ZNF438: variants seen among roughly 807,000 people sequenced by gnomAD.
ZNF438 encodes the protein zinc finger protein 438.
In ZNF438, 25 loss-of-function variants were observed where a neutral mutation model predicts 38.0. The observed-to-expected ratio is 0.66, with a 90% CI of 0.48 to 0.92. ZNF438 has a LOEUF of 0.92. Ranked by LOEUF, ZNF438 falls within the 40% of genes least tolerant of loss-of-function variation. The pLI, the probability that ZNF438 is intolerant of heterozygous loss-of-function variation, is 0.00. For synonymous variants in ZNF438, 372 were observed against 364.1 expected (o/e 1.02, Z -0.25); for missense variants, 1,007 against 999.6 (o/e 1.01, Z -0.10).
chr10:30,999,847 T>C (rs2054465201), intron 1 of ZNF438, among the ~76,000 whole-genome samples: 1 of 152,204 alleles, frequency 6.6e-6, no homozygotes. Flanking sequence ...ACCTAGAGAT[T>C]GTTCATAGGG....
chr10:30,915,771 C>T (rs2043560281), intron 2 of ZNF438, among the ~76,000 whole-genome samples: 1 of 152,020 alleles, frequency 6.6e-6, no homozygotes, highest in Admixed American at 6.6e-5. Flanking sequence ...AGTCATTCTC[C>T]ATGACCTGGT....
chr10:30,849,370 C>T (rs2033071767), exon 5 of ZNF438: 2 of 1,614,156 alleles, frequency 1.2e-6, no homozygotes, highest in Non-Finnish European at 1.7e-6. Context: ...GAACAGGTAG[C>T]CTGCTTGCCA....
chr10:30,860,680 T>G (rs1268234099), intron 4 of ZNF438, among the ~76,000 whole-genome samples: 2 of 152,224 alleles, frequency 1.3e-5, no homozygotes, highest in Non-Finnish European at 2.9e-5. Context: ...TGTAAATTTT[T>G]GTATCCCAGT....
chr10:30,990,951 T>A (rs1015849569), intron 1 of ZNF438, among the ~76,000 whole-genome samples: 6 of 151,792 alleles, frequency 4.0e-5, no homozygotes, highest in African/African-American at 1.5e-4. Flanking sequence ...CAAAAACAAT[T>A]TAACTGGAAA....
chr10:30,913,674 A>G (rs2043297857), intron 2 of ZNF438, among the ~76,000 whole-genome samples: 1 of 152,134 alleles, frequency 6.6e-6, no homozygotes, highest in Admixed American at 6.6e-5. Context: ...TGGAAAAGCA[A>G]GCACAGGCAC....
At chr10:31,019,263 C>A (rs2056422579) in intron 1 of ZNF438, among the ~76,000 whole-genome samples, 1 of 152,226 alleles carries the variant, frequency 6.6e-6, no homozygotes, top group Non-Finnish European at 1.5e-5. Flanking sequence ...AGTCTTCACA[C>A]AATGTGCCCC....
intron 1 of ZNF438, among the ~76,000 whole-genome samples, chr10:31,004,572 G>A (rs918181729): frequency 2.0e-5 from 3 of 152,214 alleles, no homozygotes; most frequent in African/African-American, 7.2e-5. Context: ...TGAGGAGTGA[G>A]GGAGTGAGAT....
chr10:31,001,465 T>C (rs2054654465), intron 1 of ZNF438, among the ~76,000 whole-genome samples: 2 of 152,126 alleles, frequency 1.3e-5, no homozygotes, highest in South Asian at 4.1e-4. Flanking sequence ...ATCAGATAAT[T>C]GGACAGGACA....
At chr10:30,884,126 A>G (rs2039637301) in intron 3 of ZNF438, among the ~76,000 whole-genome samples, 1 of 138,402 alleles carries the variant, frequency 7.2e-6, no homozygotes, top group Non-Finnish European at 1.5e-5. Context: ...ATACTATGTT[A>G]GAAGAGGAGT....
At chr10:30,936,081 G>C (rs761184565) in intron 2 of ZNF438, among the ~76,000 whole-genome samples, 1 of 152,152 alleles carries the variant, frequency 6.6e-6, no homozygotes, top group Admixed American at 6.5e-5. Flanking sequence ...AAGCCATGAA[G>C]ATTTCTAAGA....
chr10:30,911,237 C>T (rs1445665653), intron 2 of ZNF438, among the ~76,000 whole-genome samples: 1 of 152,132 alleles, frequency 6.6e-6, no homozygotes, highest in Non-Finnish European at 1.5e-5. Flanking sequence ...TAGCACTTCT[C>T]TCACCATTTA....
At chr10:31,001,158 G>A (rs1395367601) in intron 1 of ZNF438, among the ~76,000 whole-genome samples, 2 of 152,142 alleles carry the variant, frequency 1.3e-5, no homozygotes, top group African/African-American at 4.8e-5. Context: ...GTCAGACAAG[G>A]ACTTCCTTAA....
chr10:30,907,598 T>A (rs1750397979), intron 3 of ZNF438, among the ~76,000 whole-genome samples: 3 of 152,170 alleles, frequency 2.0e-5, no homozygotes, highest in Admixed American at 2.0e-4. Flanking sequence ...TTGGTAGTTT[T>A]TGTTTTTTAG....
At chr10:30,981,773 G>A (rs1394267487) in intron 1 of ZNF438, among the ~76,000 whole-genome samples, 1 of 151,910 alleles carries the variant, frequency 6.6e-6, no homozygotes, top group Non-Finnish European at 1.5e-5. Context: ...AGCTGCTCAG[G>A]AGGCTGAGGA....
intron 1 of ZNF438, among the ~76,000 whole-genome samples, chr10:31,009,407 C>A (rs1195698357): frequency 1.3e-5 from 2 of 152,230 alleles, no homozygotes; most frequent in African/African-American, 4.8e-5. Flanking sequence ...TCCAGGAAGG[C>A]TGCCTTGTTC....
At chr10:31,031,304 C>A (rs189808383) in intron 1 of ZNF438, among the ~76,000 whole-genome samples, 6 of 152,286 alleles carry the variant, frequency 3.9e-5, no homozygotes, top group Admixed American at 3.9e-4. Context: ...ATTAGGGAGG[C>A]CAGAGGCTGC....
intron 2 of ZNF438, among the ~76,000 whole-genome samples, chr10:30,929,568 A>G (rs978584820): frequency 6.6e-5 from 10 of 152,224 alleles, no homozygotes; most frequent in Non-Finnish European, 1.3e-4. Flanking sequence ...TGAAAGAACA[A>G]AGCTTTCACA....
At chr10:30,975,817 T>C (rs2051275446) in intron 1 of ZNF438, among the ~76,000 whole-genome samples, 1 of 152,134 alleles carries the variant, frequency 6.6e-6, no homozygotes, top group Non-Finnish European at 1.5e-5. Context: ...AAAGTAGAAA[T>C]TAAGGTTGTG....
chr10:30,849,026 A>G (rs1264290639), exon 5 of ZNF438: 2 of 1,614,088 alleles, frequency 1.2e-6, no homozygotes, highest in Non-Finnish European at 1.7e-6. Flanking sequence ...GCCCCCAAGC[A>G]TCTGGGACTG....
Sources: gnomAD v4.1 joint callset for allele counts (sites outside exome capture counted in the v4.1 genomes callset) on GRCh38, gnomAD v4.1.1 for gene constraint, MANE v1.5 for transcripts, NCBI Gene and HGNC (gene_info 2026-07-23, HGNC 2026-07-21) for gene names.